The following MICALL1 variants were observed in gnomAD, a reference collection of about 807,000 sequenced individuals.
MICALL1 encodes the protein MICAL-like protein 1.
In MICALL1, 61 loss-of-function variants were observed where a neutral mutation model predicts 83.7. That is an observed-to-expected ratio of 0.73 (90% CI 0.59 to 0.90). MICALL1 has a LOEUF of 0.90. MICALL1 is among the 40% of genes least tolerant of loss of function. The pLI, the probability that MICALL1 is intolerant of heterozygous loss-of-function variation, is 0.00. For synonymous variants in MICALL1, 481 were observed against 473.6 expected, an observed-to-expected ratio of 1.02 and a Z score of -0.20; for missense variants, 1,066 against 1,152.0, an observed-to-expected ratio of 0.93 and a Z score of 1.08.
chr22:37,919,726 G>A (rs1012143802), intron 5 of MICALL1, among the ~76,000 whole-genome samples: 1 of 150,666 alleles, frequency 6.6e-6, no homozygotes, highest in Admixed American at 6.6e-5. Flanking sequence ...GGTGGCTCAC[G>A]CCTGTAATCC....
intron 1 of MICALL1, among the ~76,000 whole-genome samples, chr22:37,908,585 C>G (rs374173418): frequency 3.3e-5 from 5 of 152,178 alleles, no homozygotes; most frequent in Non-Finnish European, 7.3e-5. Flanking sequence ...CAGGCATGAG[C>G]CACCATGCCT....
intron 1 of MICALL1, among the ~76,000 whole-genome samples, chr22:37,911,096 G>T (rs1928294501): frequency 6.6e-6 from 1 of 151,844 alleles, no homozygotes; most frequent in African/African-American, 2.4e-5. Context: ...GGAGGAGGGG[G>T]ATAAATAAAG....
At chr22:37,937,612 T>TG (rs1249212143) in intron 14 of MICALL1, 134 bp from the exon 15 acceptor site, 3 of 792,924 alleles carry the variant, frequency 3.8e-6, no homozygotes, top group Non-Finnish European at 3.9e-6. Flanking sequence ...TTAGTAGAGA[T>TG]GGGGTTTCAC....
At chr22:37,926,929 G>A (rs1929481560) in intron 8 of MICALL1, 1 of 163,758 alleles carries the variant, frequency 6.1e-6, no homozygotes, top group Non-Finnish European at 1.3e-5. Context: ...TCCTCTCTAA[G>A]CCTGTTGCCT....
chr22:37,914,231 C>CT (rs113697593), intron 3 of MICALL1, among the ~76,000 whole-genome samples: 22 of 140,312 alleles, frequency 1.6e-4, no homozygotes, highest in East Asian at 4.3e-4. Flanking sequence ...TCTTTTCTTT[C>CT]TTTTTTTTTT....
rs9622713 is a variant in MICALL1 at position 37,934,533 on chromosome 22, A to G, written c.2308+1421A>G. Among the ~76,000 whole-genome samples, 571 of 147,468 alleles carry G rather than the reference A, an allele frequency of 3.9e-3. 1 individual carries two copies. The highest frequency in any genetic ancestry group is 7.0e-3 in the Non-Finnish European group (466 of 66,412). On this transcript the variant is annotated intron_variant, in intron 13 of 15. Coordinates refer to ENST00000215957, the MANE Select transcript of MICALL1 (RefSeq NM_033386.4). ...AGGTGAGGCCATAGGGGAAAGGGGC[A>G]GTGGCTGAGGGGGCTTCAGGATATT...
chr22:37,913,827 G>T (rs552175979), intron 3 of MICALL1, among the ~76,000 whole-genome samples: 6 of 151,256 alleles, frequency 4.0e-5, no homozygotes, highest in East Asian at 1.9e-4. Flanking sequence ...GCCCATTTCA[G>T]CCCCTCCCTC....
At chr22:37,912,305 C>T (rs1346179821) in intron 2 of MICALL1, 46 bp from the exon 3 acceptor site, 2 of 1,568,114 alleles carry the variant, frequency 1.3e-6, no homozygotes, top group African/African-American at 1.4e-5. Flanking sequence ...GCCTCCTCCT[C>T]TTCCTGCTTC....
intron 1 of MICALL1, among the ~76,000 whole-genome samples, chr22:37,910,205 GT>G (rs1252184997): frequency 3.9e-5 from 6 of 152,304 alleles, no homozygotes; most frequent in Admixed American, 6.5e-5. Context: ...GATCCTGAAG[GT>G]TTTTTACAGT....
At position 37,927,740 on chromosome 22, in the gene MICALL1, G is replaced by A. The variant is rs781121592; in HGVS notation, c.1795G>A (p.Gly599Ser). ...SGPQPAKPCS[G>S]ATPTPLLLVG... ...TCCCCAGCCAGCCAAGCCCTGCAGT[G>A]GCGCCACCCCAACGCCTCTCTTGTT... is the stretch of plus-strand genomic sequence containing the variant. Residue 599 changes from glycine to serine, a missense_variant, in exon 9 of 16, where the codon GGC becomes AGC. Coordinates refer to ENST00000215957, the MANE Select transcript of MICALL1 (RefSeq NM_033386.4). The A allele has an allele frequency of 1.2e-6, 2 of 1,613,892 alleles. No homozygotes were observed. The highest frequency in any genetic ancestry group is 2.2e-5 in the South Asian group (2 of 91,076).
chr22:37,921,850 C>G, intron 5 of MICALL1, 122 bp from the exon 6 acceptor site: 1 of 882,532 alleles, frequency 1.1e-6, no homozygotes, highest in Non-Finnish European at 1.7e-6. Flanking sequence ...GGTATGGAGT[C>G]GAGCTTGGCT....
At chr22:37,934,994 C>T (rs1421208609) in intron 13 of MICALL1, among the ~76,000 whole-genome samples, 2 of 150,960 alleles carry the variant, frequency 1.3e-5, no homozygotes, top group Admixed American at 6.6e-5. Context: ...GGCAGTGGCA[C>T]AATCTCGGCT....
chr22:37,938,855 C>T (rs563062664), intron 15 of MICALL1, among the ~76,000 whole-genome samples: 4 of 152,060 alleles, frequency 2.6e-5, no homozygotes, highest in East Asian at 1.9e-4. Context: ...TCAAGTGATC[C>T]GCTCGCCTCG....
chr22:37,917,627 C>A (rs1928759739), intron 3 of MICALL1, 80 bp from the exon 4 acceptor site: 3 of 1,355,792 alleles, frequency 2.2e-6, no homozygotes, highest in African/African-American at 2.9e-5. Context: ...CTACAGGTCT[C>A]AAATCTTCAG....
chr22:37,938,819 G>A (rs989260175), intron 15 of MICALL1, among the ~76,000 whole-genome samples: 1 of 151,978 alleles, frequency 6.6e-6, no homozygotes, highest in African/African-American at 2.4e-5. Flanking sequence ...CGCCATGTTG[G>A]CCAGGCTAGT....
At chr22:37,935,690 T>A (rs1047041607) in intron 13 of MICALL1, among the ~76,000 whole-genome samples, 1 of 150,980 alleles carries the variant, frequency 6.6e-6, no homozygotes, top group Non-Finnish European at 1.5e-5. Context: ...GTAGCTGGGA[T>A]TACAGGCGCC....
At chr22:37,928,749 C>T (rs1929630830) in intron 9 of MICALL1, among the ~76,000 whole-genome samples, 1 of 152,170 alleles carries the variant, frequency 6.6e-6, no homozygotes, top group African/African-American at 2.4e-5. Flanking sequence ...ACTCACCAGC[C>T]ACCAGTCATC....
chr22:37,916,527 T>C (rs1184652830), intron 3 of MICALL1, among the ~76,000 whole-genome samples: 1 of 152,172 alleles, frequency 6.6e-6, no homozygotes, highest in Admixed American at 6.6e-5. Flanking sequence ...TGGAGGCATT[T>C]CAAGAGTGAC....
chr22:37,917,334 A>G lies in MICALL1; in HGVS notation c.338-373A>G, dbSNP rs559018035. ...TTTCCTGAGCTGTCAGGGCAGCACC[A>G]TATGGTTCCTTTCTTTTCCTTTCCT... On this transcript the variant is annotated intron_variant, in intron 3 of 15. Transcript: ENST00000215957. Among the ~76,000 whole-genome samples, 5 of 152,232 alleles carry G rather than the reference A, an allele frequency of 3.3e-5. No individual in the cohort carries two copies. In the East Asian group the frequency reaches 7.7e-4, roughly 24 times the overall value.
Sources: gnomAD v4.1 joint callset for allele counts (sites outside exome capture counted in the v4.1 genomes callset) on GRCh38, gnomAD v4.1.1 for gene constraint, MANE v1.5 for transcripts, NCBI Gene and HGNC (gene_info 2026-07-23, HGNC 2026-07-21) for gene names.